The following MINPP1 variants were observed in gnomAD, a reference collection of about 807,000 sequenced individuals.
The protein encoded by MINPP1 is multiple inositol polyphosphate phosphatase 1.
MINPP1 carries 28 observed loss-of-function variants against 46.1 expected under a neutral mutation model. The observed-to-expected ratio is 0.61, with a 90% confidence interval of 0.45 to 0.83. MINPP1 has a LOEUF of 0.83. MINPP1 is among the 40% of genes least tolerant of loss of function. MINPP1 has a pLI of 0.00. For missense variants in MINPP1, 603 were observed against 610.0 expected (o/e 0.99, Z 0.12); for synonymous variants, 268 against 249.1 (o/e 1.08, Z -0.72).
chr10:87,552,522 T>C lies in MINPP1; in HGVS notation c.*44T>C. 1 of 1,581,728 alleles carries C rather than the reference T, an allele frequency of 6.3e-7. No individual in the cohort carries two copies. The highest frequency in any genetic ancestry group is 1.1e-5 in the South Asian group (1 of 90,192). ...TAATTCTTTAGGAATCTGCAATGAG[T>C]GATTACATGCTTGTAATAGGTAGGC... is the stretch of plus-strand genomic sequence containing the variant. On this transcript the variant is annotated 3_prime_UTR_variant, in exon 5 of 5. Coordinates refer to ENST00000371996, the MANE Select transcript of MINPP1 (RefSeq NM_004897.5).
At position 87,505,009 on chromosome 10, in the gene MINPP1, C is replaced by G; in HGVS notation, c.94C>G (p.Leu32Val). 1 of 1,612,994 alleles carries G rather than the reference C, an allele frequency of 6.2e-7. No individual in the cohort carries two copies. Among genetic ancestry groups the G allele is most frequent in the East Asian group, 2.2e-5 (1 of 44,864 alleles). Reference protein sequence around the residue: ...ALLSSLARCSLLEPRDPVASS... With the variant: ...ALLSSLARCSVLEPRDPVASS... Reference sequence around the variant, plus strand: ...GCTCTCGTCGCTTGCGCGCTGCTCTCTTCTAGAGCCGAGGGACCCGGTGGC... The same window carrying G: ...GCTCTCGTCGCTTGCGCGCTGCTCTGTTCTAGAGCCGAGGGACCCGGTGGC... Residue 32 changes from leucine (L) to valine (V), a missense_variant, in exon 1 of 5, where the codon CTT (leucine) becomes GTT (valine). Coordinates refer to ENST00000371996, the MANE Select transcript of MINPP1 (RefSeq NM_004897.5). The surrounding 1 kb of genome is among the most constrained non-coding windows in gnomAD (Gnocchi z 4.4).
chr10:87,542,303 T>C (rs961834502), intron 4 of MINPP1, among the ~76,000 whole-genome samples: 9 of 147,310 alleles, frequency 6.1e-5, no homozygotes, highest in East Asian at 2.0e-4. Flanking sequence ...CTTTTTCTTT[T>C]TCTCTCTCTC....
chr10:87,548,196 A>C (rs1851914981), intron 4 of MINPP1, among the ~76,000 whole-genome samples: 1 of 152,190 alleles, frequency 6.6e-6, no homozygotes, highest in South Asian at 2.1e-4. Flanking sequence ...CTCCTCAGCA[A>C]AGCGCATTCA....
chr10:87,522,800 TC>T (rs2131816908), intron 4 of MINPP1, among the ~76,000 whole-genome samples: 1 of 152,282 alleles, frequency 6.6e-6, no homozygotes. Flanking sequence ...GTTGACTCTT[TC>T]TTTCATGAAA....
At chr10:87,509,742 AAGTTTATACC>A (rs1376151490) in intron 2 of MINPP1, 1 of 357,818 alleles carries the variant, frequency 2.8e-6, no homozygotes, top group Non-Finnish European at 5.7e-6. Flanking sequence ...AGTGGTATCA[AAGTTTATACC>A]AGTCCAAAAT....
Position 87,513,139 on chromosome 10 carries a change from C to A in MINPP1, c.851C>A (p.Ala284Asp), listed in dbSNP as rs748636033. Reference protein sequence around the residue: ...NDLNADLIQVAFFTCSFDLAI... With the variant: ...NDLNADLIQVDFFTCSFDLAI... ...TTCCCCCCAGATTTAATTCAAGTAG[C>A]CTTTTTCACCTGTTCATTTGACCTG... Residue 284 changes from alanine to aspartate, a missense_variant, in exon 3 of 5, where the codon GCC becomes GAC. This residue lies in a region of MINPP1 where 344 missense variants were observed against 381.1 expected (regional missense o/e 0.90). Transcript: ENST00000371996. The A allele has an allele frequency of 5.0e-6, 8 of 1,613,454 alleles. No homozygotes were observed. Among genetic ancestry groups the A allele is most frequent in the Non-Finnish European group, 6.8e-6 (8 of 1,179,662 alleles).
intron 4 of MINPP1, among the ~76,000 whole-genome samples, chr10:87,529,155 C>T (rs1291484870): frequency 1.3e-5 from 2 of 152,142 alleles, no homozygotes; most frequent in East Asian, 1.9e-4. Flanking sequence ...GGTCTTGACT[C>T]TTTATCCAAT....
chr10:87,525,893 T>A (rs1307631642), intron 4 of MINPP1, among the ~76,000 whole-genome samples: 1 of 152,254 alleles, frequency 6.6e-6, no homozygotes, highest in Admixed American at 6.5e-5. Flanking sequence ...ACTCATCCTT[T>A]TTTATGGCTG....
At chr10:87,506,429 G>A (rs886340418) in intron 1 of MINPP1, among the ~76,000 whole-genome samples, 14 of 152,134 alleles carry the variant, frequency 9.2e-5, no homozygotes, top group African/African-American at 2.9e-4. Flanking sequence ...TTGTATGCCA[G>A]GTATGCCTCA....
intron 3 of MINPP1, among the ~76,000 whole-genome samples, chr10:87,514,239 C>T (rs1851378588): frequency 6.6e-6 from 1 of 152,200 alleles, no homozygotes; most frequent in Admixed American, 6.5e-5. Flanking sequence ...GCCCCACCAT[C>T]AGGATGCTTC....
intron 4 of MINPP1, among the ~76,000 whole-genome samples, chr10:87,536,382 A>G (rs1446993916): frequency 6.6e-6 from 1 of 152,208 alleles, no homozygotes; most frequent in Non-Finnish European, 1.5e-5. Context: ...ATCAGCTCTT[A>G]GTAATTGTTT....
At chr10:87,508,218 A>G (rs764922411) in intron 1 of MINPP1, 118 bp from the exon 2 acceptor site, 3 of 1,551,636 alleles carry the variant, frequency 1.9e-6, no homozygotes, top group Non-Finnish European at 2.6e-6. Context: ...TGCTTATTTC[A>G]GCTGTGCGGA....
intron 3 of MINPP1, among the ~76,000 whole-genome samples, chr10:87,517,961 C>G (rs1321620322): frequency 3.6e-5 from 5 of 137,208 alleles, no homozygotes; most frequent in Non-Finnish European, 6.3e-5. Context: ...TGCACCTGGC[C>G]TTTTTTTTTT....
rs1321305674 is a variant in MINPP1 at position 87,521,083 on chromosome 10, T to C, written c.981T>C (p.Tyr327=). Residue 327 remains tyrosine (Y), a synonymous_variant, in exon 4 of 5, where the codon TAT becomes TAC. Transcript: ENST00000371996. ...NDLKQYWKRG[Y]GYTINSRSSC... ...TGAAACAATATTGGAAAAGAGGATA[T>C]GGGTATACTATTAACAGTCGATCCA... 6 of 1,408,848 alleles carry C rather than the reference T, an allele frequency of 4.3e-6. No individual in the cohort carries two copies. The African/African-American group carries it at 8.4e-5, about 20-fold the overall frequency. The allele number at this position is 1,408,848 out of a possible 1,614,324, so 87.3% of individuals were successfully genotyped here.
chr10:87,527,795 T>G (rs896558970), intron 4 of MINPP1, among the ~76,000 whole-genome samples: 1 of 152,238 alleles, frequency 6.6e-6, no homozygotes, highest in African/African-American at 2.4e-5. Context: ...CCAGCTCGTC[T>G]TTGTACCTCT....
intron 4 of MINPP1, among the ~76,000 whole-genome samples, chr10:87,541,888 C>T (rs1011160906): frequency 1.3e-5 from 2 of 152,204 alleles, no homozygotes; most frequent in African/African-American, 2.4e-5. Flanking sequence ...ATGTCCCAGT[C>T]TCTTCCCACC....
intron 3 of MINPP1, among the ~76,000 whole-genome samples, chr10:87,517,451 AG>A (rs1441286857): frequency 1.3e-5 from 2 of 152,186 alleles, no homozygotes; most frequent in Non-Finnish European, 2.9e-5. Flanking sequence ...TGGTGGGGGC[AG>A]GTTATACAGT....
intron 4 of MINPP1, among the ~76,000 whole-genome samples, chr10:87,536,988 G>T (rs1481877527): frequency 1.3e-5 from 2 of 152,046 alleles, no homozygotes; most frequent in Non-Finnish European, 2.9e-5. Flanking sequence ...CCAGGCTAGA[G>T]TGCAGCGGCA....
chr10:87,547,650 A>G lies in MINPP1; in HGVS notation c.1068-4432A>G, dbSNP rs1851906940. Among the ~76,000 whole-genome samples the G allele has an allele frequency of 2.0e-5, 3 of 152,174 alleles. No individual in the cohort carries two copies. In the South Asian group the frequency reaches 6.2e-4, roughly 32 times the overall value. ...ATTTTAACATATGCTATTCAATGAA[A>G]TGAGTTTGTTACTTGATACCGTGTT... On this transcript the variant is annotated intron_variant, in intron 4 of 4. Coordinates refer to ENST00000371996, the MANE Select transcript of MINPP1 (RefSeq NM_004897.5).
Sources: gnomAD v4.1 joint callset for allele counts (sites outside exome capture counted in the v4.1 genomes callset) on GRCh38, gnomAD v4.1.1 for gene constraint, gnomAD v4.1.1 regional missense constraint, Gnocchi (gnomAD v3.1) non-coding constraint, MANE v1.5 for transcripts, NCBI Gene and HGNC (gene_info 2026-07-23, HGNC 2026-07-21) for gene names.